The following TMEM117 variants were observed in gnomAD, a reference collection of about 807,000 sequenced individuals.
TMEM117 encodes transmembrane protein 117.
A neutral mutation model predicts 52.4 loss-of-function variants in TMEM117; 27 were observed. The observed-to-expected ratio is 0.51, with a 90% CI of 0.38 to 0.71. The LOEUF is 0.71. Ranked by LOEUF, TMEM117 falls within the 30% of genes least tolerant of loss-of-function variation. The pLI is 0.00. For synonymous variants in TMEM117, 215 were observed against 206.3 expected, an observed-to-expected ratio of 1.04 and a Z score of -0.36; for missense variants, 556 against 630.5, an observed-to-expected ratio of 0.88 and a Z score of 1.26.
chr12:44,317,593 A>T (rs1050781933), intron 6 of TMEM117, among the ~76,000 whole-genome samples: 1 of 151,972 alleles, frequency 6.6e-6, no homozygotes, highest in Non-Finnish European at 1.5e-5. Flanking sequence ...ACAGGATTTC[A>T]CCATGTTGGC....
chr12:44,286,773 C>T (rs1387370308), intron 5 of TMEM117, among the ~76,000 whole-genome samples: 3 of 152,118 alleles, frequency 2.0e-5, no homozygotes, highest in South Asian at 4.1e-4. Flanking sequence ...ATATAATAAA[C>T]AATTGAGTAG....
At chr12:44,168,236 G>A (rs542349415) in intron 4 of TMEM117, among the ~76,000 whole-genome samples, 4 of 147,660 alleles carry the variant, frequency 2.7e-5, no homozygotes, top group African/African-American at 1.1e-4. Context: ...CTGAGCAACA[G>A]AGTGAGACCC....
chr12:43,825,591 C>T, the TMEM117 span, among the ~76,000 whole-genome samples: 2 of 151,964 alleles, frequency 1.3e-5, no homozygotes, highest in Non-Finnish European at 2.9e-5. Flanking sequence ...ACATAAAGAA[C>T]GTGATTGTAT....
Position 44,179,939 on chromosome 12 carries a change from G to C in TMEM117, c.511-31351G>C, listed in dbSNP as rs565120761. The stretch of plus-strand genomic sequence containing the variant: ...TTCCATGTTGTGATTCAGTGGTGAG[G>C]CTCTTTTTATTTGGTAGCTCTGCCA... On this transcript the variant is annotated intron_variant, in intron 4 of 7. Coordinates refer to ENST00000266534, the MANE Select transcript of TMEM117 (RefSeq NM_032256.3). Among the ~76,000 whole-genome samples the C allele has an allele frequency of 3.9e-5, 6 of 152,248 alleles. No homozygotes were observed. The East Asian group carries it at 1.2e-3, about 29-fold the overall frequency.
At chr12:43,890,600 C>T (rs1592337371) in intron 2 of TMEM117, among the ~76,000 whole-genome samples, 2 of 151,896 alleles carry the variant, frequency 1.3e-5, no homozygotes, top group Non-Finnish European at 2.9e-5. Flanking sequence ...GGTGCAATCT[C>T]GGCTCACTGC....
intron 4 of TMEM117, among the ~76,000 whole-genome samples, chr12:44,206,411 G>C (rs113937007): frequency 1.3e-5 from 2 of 152,140 alleles, no homozygotes; most frequent in African/African-American, 2.4e-5. Context: ...CTTGTTTATG[G>C]CCAGTTTCTC....
At chr12:43,968,339 CT>C (rs1945519478) in intron 3 of TMEM117, among the ~76,000 whole-genome samples, 1 of 152,162 alleles carries the variant, frequency 6.6e-6, no homozygotes, top group Non-Finnish European at 1.5e-5. Context: ...AAGGACTAGC[CT>C]AATTGTAGCA....
chr12:44,392,330 T>A (rs146279866), downstream of TMEM117, among the ~76,000 whole-genome samples: 50 of 152,176 alleles, frequency 3.3e-4, no homozygotes, highest in African/African-American at 1.0e-3. Context: ...AAACAGCAGT[T>A]TTACTTTAAA....
At chr12:43,900,160 G>A (rs1944280346) in intron 2 of TMEM117, among the ~76,000 whole-genome samples, 1 of 152,140 alleles carries the variant, frequency 6.6e-6, no homozygotes, top group African/African-American at 2.4e-5. Context: ...GGAGTTTGCT[G>A]CAGCATATTG....
chr12:44,379,693 T>C (rs1951993356), intron 7 of TMEM117, among the ~76,000 whole-genome samples: 1 of 152,190 alleles, frequency 6.6e-6, no homozygotes, highest in Non-Finnish European at 1.5e-5. Flanking sequence ...AGGTAAAATT[T>C]CCAAAATACT....
At chr12:44,186,375 A>T (rs1949278446) in intron 4 of TMEM117, among the ~76,000 whole-genome samples, 1 of 152,166 alleles carries the variant, frequency 6.6e-6, no homozygotes, top group Admixed American at 6.6e-5. Context: ...AGGGAGGCAG[A>T]TATCCTTCAT....
At chr12:44,022,394 G>A (rs981115142) in intron 3 of TMEM117, among the ~76,000 whole-genome samples, 13 of 152,276 alleles carry the variant, frequency 8.5e-5, no homozygotes, top group Non-Finnish European at 7.4e-5. Context: ...TGACTTGGGC[G>A]TCCAAAGGGG....
chr12:44,013,568 T>C (rs1946328447), intron 3 of TMEM117, among the ~76,000 whole-genome samples: 1 of 152,198 alleles, frequency 6.6e-6, no homozygotes, highest in South Asian at 2.1e-4. Flanking sequence ...CCTTCCCCAC[T>C]GCTGAAAGTA....
intron 3 of TMEM117, among the ~76,000 whole-genome samples, chr12:43,970,331 C>T (rs1343572443): frequency 6.6e-6 from 1 of 151,780 alleles, no homozygotes; most frequent in Non-Finnish European, 1.5e-5. Flanking sequence ...CTCTGTTGCC[C>T]AGGCTGGAGT....
intron 5 of TMEM117, among the ~76,000 whole-genome samples, chr12:44,240,116 T>A (rs1169952920): frequency 6.6e-6 from 1 of 152,134 alleles, no homozygotes; most frequent in Non-Finnish European, 1.5e-5. Flanking sequence ...GACAGAAACC[T>A]ATCAGCAACA....
intron 3 of TMEM117, among the ~76,000 whole-genome samples, chr12:44,054,742 C>CT (rs1218185147): frequency 3.9e-4 from 52 of 133,428 alleles, no homozygotes; most frequent in East Asian, 1.7e-3. Flanking sequence ...TCTTCATTTT[C>CT]TTTTTTTTTT....
chr12:44,222,435 T>C lies in TMEM117; in HGVS notation c.608+11048T>C, dbSNP rs149080211. 4.8e-3 allele frequency among the ~76,000 whole-genome samples: 737 copies of C among 152,310 alleles called. 3 individuals are homozygous for C. Among genetic ancestry groups the C allele is most frequent in the Middle Eastern group, 0.017 (5 of 294 alleles). ...CATTTACAAATGCCCTAGACTGTGA[T>C]AATCATTCTTTTATAGGAAAGACCT... On this transcript the variant is annotated intron_variant, in intron 5 of 7. Transcript: ENST00000266534.
At position 43,915,435 on chromosome 12, in the gene TMEM117, C is replaced by T. The variant is rs550374115; in HGVS notation, c.278-28775C>T. 2.6e-5 allele frequency among the ~76,000 whole-genome samples: 4 copies of T among 152,238 alleles called. No homozygotes were observed. The South Asian group carries it at 8.3e-4, about 32-fold the overall frequency. Reference sequence around the variant, plus strand: ...TATTTTGTTTCTAGAGCTTCATTACCCTTTCTTACCACCTGACCTTGTCCA... The same window carrying T: ...TATTTTGTTTCTAGAGCTTCATTACTCTTTCTTACCACCTGACCTTGTCCA... On this transcript the variant is annotated intron_variant, in intron 2 of 7. Coordinates refer to ENST00000266534, the MANE Select transcript of TMEM117 (RefSeq NM_032256.3).
chr12:44,397,914 C>T, the TMEM117 span, among the ~76,000 whole-genome samples: 3 of 152,118 alleles, frequency 2.0e-5, no homozygotes, highest in Non-Finnish European at 2.9e-5. Context: ...AAACGTTAGA[C>T]AAGAAGTGTC....
Sources: gnomAD v4.1 joint callset for allele counts (sites outside exome capture counted in the v4.1 genomes callset) on GRCh38, gnomAD v4.1.1 for gene constraint, MANE v1.5 for transcripts, NCBI Gene and HGNC (gene_info 2026-07-23, HGNC 2026-07-21) for gene names.